CNOT10: variants seen among roughly 807,000 people sequenced by gnomAD.
The protein encoded by CNOT10 is CCR4-NOT transcription complex, subunit 10.
A neutral mutation model predicts 94.6 loss-of-function variants in CNOT10; 30 were observed. The ratio of observed to expected loss-of-function variants is 0.32; its 90% confidence interval spans 0.24 to 0.43. The LOEUF is 0.43. Ranked by LOEUF, CNOT10 falls within the 20% of genes least tolerant of loss-of-function variation. The probability of loss-of-function intolerance (pLI) is 1.00; values close to 1 mark genes in which losing one functional copy is unlikely to be tolerated. For synonymous variants in CNOT10, 289 were observed against 301.6 expected (o/e 0.96, Z 0.43); for missense variants, 759 against 877.2 (o/e 0.87, Z 1.70).
intron 13 of CNOT10, among the ~76,000 whole-genome samples, chr3:32,750,091 T>G (rs113819127): frequency 0.061 from 9,314 of 151,996 alleles, 330 homozygotes; most frequent in African/African-American, 0.09. Context: ...CGTGCCTGTA[T>G]TCCTAGCTAC....
In CNOT10 at chr3:32,703,877, C is replaced by T. The variant is rs148956635; in HGVS notation, c.32C>T (p.Ala11Val). The change falls in exon 2 of 19, where the codon GCA (alanine) becomes GTA (valine). Residue 11 changes from alanine (A) to valine (V), a missense_variant. Physicochemically the swap from Ala to Val is moderately conservative, Grantham distance 64. Transcript: ENST00000328834. MAADKPADQG[A>V]EKHEGTGQSS... Reference sequence around the variant, plus strand: ...ATTTGTGTGTTTGCAGATCAGGGAGCAGAGAAACATGAAGGCACAGGTCAG... The same window carrying T: ...ATTTGTGTGTTTGCAGATCAGGGAGTAGAGAAACATGAAGGCACAGGTCAG... The T allele has an allele frequency of 6.2e-7, 1 of 1,612,066 alleles. No individual in the cohort carries two copies. Among genetic ancestry groups the T allele is most frequent in the Admixed American group, 1.7e-5 (1 of 59,926 alleles).
intron 1 of CNOT10, among the ~76,000 whole-genome samples, chr3:32,700,392 T>G (rs898062669): frequency 6.6e-6 from 1 of 152,226 alleles, no homozygotes; most frequent in Non-Finnish European, 1.5e-5. Flanking sequence ...CTTGCCCCAG[T>G]TCCACTTTGT....
rs1311988643 is a variant in CNOT10 at position 32,769,875 on chromosome 3, T to C, written c.2005-12T>C. 1 of 1,612,334 alleles carries C rather than the reference T, an allele frequency of 6.2e-7. No homozygotes were observed. Among genetic ancestry groups the C allele is most frequent in the Non-Finnish European group, 8.5e-7 (1 of 1,178,626 alleles). ...TTGTTTTTTCACGGGCATCTTTCTG[T>C]TTTGAGCAAAGGCGGCTTCAATGAT... On this transcript the variant is annotated splice_polypyrimidine_tract_variant and intron_variant, in intron 17 of 18. Coordinates refer to ENST00000328834, the MANE Select transcript of CNOT10 (RefSeq NM_015442.3).
chr3:32,755,319 CTTTT>C (rs777391696), intron 13 of CNOT10, among the ~76,000 whole-genome samples: 2 of 131,184 alleles, frequency 1.5e-5, no homozygotes, highest in Non-Finnish European at 3.3e-5. Flanking sequence ...TTTTCTTTTT[CTTTT>C]TTTTTTTTTT....
chr3:32,754,678 C>CG (rs1559512632), intron 13 of CNOT10, among the ~76,000 whole-genome samples: 21 of 148,010 alleles, frequency 1.4e-4, no homozygotes. Context: ...TGCGCTACCA[C>CG]GCCCAGCTAA....
Position 32,739,376 on chromosome 3 carries a change from G to T in CNOT10, c.1595+1886G>T, listed in dbSNP as rs368310515. Reference sequence around the variant, plus strand: ...TTATTTTATTCTTCTACTAACTCTGGTTTATTTTGCTCTTTTTTTAACTTC... The same window carrying T: ...TTATTTTATTCTTCTACTAACTCTGTTTTATTTTGCTCTTTTTTTAACTTC... On this transcript the variant is annotated intron_variant, in intron 13 of 18. Transcript: ENST00000328834. 1.1e-4 allele frequency among the ~76,000 whole-genome samples: 17 copies of T among 151,986 alleles called. No homozygotes were observed. In the East Asian group the frequency reaches 2.9e-3, roughly 26 times the overall value.
chr3:32,688,621 A>G (rs972153872), intron 1 of CNOT10, among the ~76,000 whole-genome samples: 3 of 151,878 alleles, frequency 2.0e-5, no homozygotes, highest in African/African-American at 4.8e-5. Context: ...TACTCAGAAG[A>G]AAAAAATGAG....
chr3:32,757,883 T>A (rs1390092296), intron 13 of CNOT10, among the ~76,000 whole-genome samples: 1 of 152,198 alleles, frequency 6.6e-6, no homozygotes, highest in Non-Finnish European at 1.5e-5. Flanking sequence ...CAAATTACTA[T>A]CCTCTGTAAT....
At chr3:32,754,204 G>A (rs1700094550) in intron 13 of CNOT10, among the ~76,000 whole-genome samples, 1 of 151,844 alleles carries the variant, frequency 6.6e-6, no homozygotes, top group Non-Finnish European at 1.5e-5. Flanking sequence ...TTGGCCAGGT[G>A]CAGTGGCTCA....
intron 4 of CNOT10, 101 bp downstream of exon 4, chr3:32,708,921 A>T: frequency 1.1e-6 from 1 of 880,932 alleles, no homozygotes; most frequent in South Asian, 2.3e-5. Flanking sequence ...AGTCCATGCC[A>T]GTATTCAAAG....
At chr3:32,728,285 A>G (rs1034824322) in intron 10 of CNOT10, among the ~76,000 whole-genome samples, 1 of 151,990 alleles carries the variant, frequency 6.6e-6, no homozygotes, top group African/African-American at 2.4e-5. Context: ...CGTGAAATGT[A>G]TAGTCTTCTC....
intron 3 of CNOT10, among the ~76,000 whole-genome samples, chr3:32,705,423 T>G (rs924075849): frequency 6.6e-6 from 1 of 152,180 alleles, no homozygotes; most frequent in Non-Finnish European, 1.5e-5. Context: ...GCAATGTTTC[T>G]TGAATCCTGG....
At chr3:32,743,597 A>C (rs546198792) in intron 13 of CNOT10, among the ~76,000 whole-genome samples, 1 of 152,088 alleles carries the variant, frequency 6.6e-6, no homozygotes, top group African/African-American at 2.4e-5. Context: ...TCGTGCCACT[A>C]TACTCCAGCC....
intron 8 of CNOT10, among the ~76,000 whole-genome samples, chr3:32,721,270 C>G (rs1465014904): frequency 6.6e-6 from 1 of 151,138 alleles, no homozygotes. Context: ...TCCATGTTGC[C>G]TAGGCTGTAT....
intron 8 of CNOT10, among the ~76,000 whole-genome samples, chr3:32,724,256 T>TC (rs1362356286): frequency 6.7e-6 from 1 of 150,136 alleles, no homozygotes; most frequent in East Asian, 1.9e-4. Flanking sequence ...TTTTTTTTTT[T>TC]TTTTTCTTTG....
In CNOT10 at chr3:32,737,455, T is replaced by TAA. The variant is rs1407051537; in HGVS notation, c.1560_1561insAA (p.Ser521AsnfsTer4). 1.9e-6 allele frequency: 3 copies of TAA among 1,611,986 alleles called. No individual in the cohort carries two copies. The highest frequency in any genetic ancestry group is 2.5e-6 in the Non-Finnish European group (3 of 1,178,268). On this transcript the variant is annotated frameshift_variant, in exon 13 of 19. Coordinates refer to ENST00000328834, the MANE Select transcript of CNOT10 (RefSeq NM_015442.3). LOFTEE classifies it high-confidence loss of function. ...ATAAATTCATTCCAGCTCCACCTTC[T>TAA]TCTCCATTGAGAAAACAGGAATTAG...
chr3:32,762,996 T>G lies in CNOT10; in HGVS notation c.1840+133T>G, dbSNP rs553177789. The G allele has an allele frequency of 9.2e-4, 805 of 871,946 alleles. 2 individuals carry two copies. Among genetic ancestry groups the G allele is most frequent in the Non-Finnish European group, 1.1e-3 (686 of 611,184 alleles). 54.0% of individuals were successfully genotyped at this position (871,946 alleles called of 1,614,324 possible). On this transcript the variant is annotated intron_variant, in intron 15 of 18. Transcript: ENST00000328834. ...TAGGTTGGCTTTCCACATTTTTGTC[T>G]GTACTTACTTTGTAGCAGTTGTTTG...
At chr3:32,754,485 A>ATATATATATAT (rs1415191433) in intron 13 of CNOT10, among the ~76,000 whole-genome samples, 1 of 48,376 alleles carries the variant, frequency 2.1e-5, no homozygotes. Flanking sequence ...TCAAAAAAAA[A>ATATATATATAT]AAAAATACAT....
intron 17 of CNOT10, among the ~76,000 whole-genome samples, chr3:32,766,037 C>T (rs1305781552): frequency 2.5e-5 from 1 of 39,558 alleles, no homozygotes; most frequent in African/African-American, 8.2e-5. Context: ...CGGAGTTTCG[C>T]TCTTGTTGCC....
Sources: allele counts gnomAD v4.1 joint callset (sites outside exome capture counted in the v4.1 genomes callset), GRCh38; gene constraint gnomAD v4.1.1; transcripts MANE v1.5; gene names NCBI Gene and HGNC (gene_info 2026-07-23, HGNC 2026-07-21).